The following OSBP2 variants were observed in gnomAD, a reference collection of about 807,000 sequenced individuals.
The protein encoded by OSBP2 is oxysterol-binding protein 2.
Under a neutral mutation model 96.0 loss-of-function variants are expected in OSBP2, and 66 were observed. The ratio of observed to expected loss-of-function variants is 0.69; its 90% CI spans 0.56 to 0.84. The LOEUF (loss-of-function observed/expected upper bound fraction) is 0.84. OSBP2 is among the 40% of genes least tolerant of loss of function. OSBP2 has a pLI of 0.00. For missense variants in OSBP2, 1,038 were observed against 1,222.7 expected (o/e 0.85, Z 2.25); for synonymous variants, 525 against 520.9 (o/e 1.01, Z -0.11).
chr22:30,889,211 G>A lies in OSBP2; in HGVS notation c.1453G>A (p.Val485Met), dbSNP rs376852480. ...TGAAGGTAGCACCGGGACAAGTTCCGTGGACTGGAGCTCAGCAGACAATGT... is the reference window on the plus strand; with the variant it reads ...TGAAGGTAGCACCGGGACAAGTTCCATGGACTGGAGCTCAGCAGACAATGT... The part of the protein sequence containing the change: ...KAEGSTGTSS[V>M]DWSSADNVLD... Residue 485 changes from valine to methionine, a missense_variant, in exon 6 of 14, where the codon GTG becomes ATG. Val to Met is a conservative substitution (Grantham distance 21). This residue lies in a region of OSBP2 where 737 missense variants were observed against 913.3 expected (regional missense o/e 0.81). Coordinates refer to ENST00000332585, the MANE Select transcript of OSBP2 (RefSeq NM_030758.4). 2.7e-5 allele frequency: 44 copies of A among 1,613,318 alleles called. No homozygotes were observed. Among genetic ancestry groups the A allele is most frequent in the Middle Eastern group, 1.7e-4 (1 of 5,956 alleles).
At chr22:30,815,744 T>A (rs529007408) in intron 2 of OSBP2, among the ~76,000 whole-genome samples, 30 of 152,316 alleles carry the variant, frequency 2.0e-4, no homozygotes, top group Non-Finnish European at 2.8e-4. Context: ...TTCTTTTTTT[T>A]AAAAATTTCT....
At position 30,881,912 on chromosome 22, in the gene OSBP2, T is replaced by A; in HGVS notation, c.1108-5514T>A. 1.0e-6 allele frequency: 1 copy of A among 965,204 alleles called. No homozygotes were observed. The highest frequency in any genetic ancestry group is 1.4e-6 in the Non-Finnish European group (1 of 702,736). 59.8% of individuals were successfully genotyped at this position (965,204 alleles called of 1,614,324 possible). Reference sequence around the variant, plus strand: ...GTCTTGGGTGCAGCCACATGAGGCCTTTGATATTAGGGCACAGCAGTTTTC... The same window carrying A: ...GTCTTGGGTGCAGCCACATGAGGCCATTGATATTAGGGCACAGCAGTTTTC... On this transcript the variant is annotated intron_variant, in intron 3 of 13. Coordinates refer to ENST00000332585, the MANE Select transcript of OSBP2 (RefSeq NM_030758.4). The surrounding 1 kb of genome is among the most constrained non-coding windows in gnomAD (Gnocchi z 4.5).
chr22:30,699,520 C>T (rs757030194), intron 1 of OSBP2, among the ~76,000 whole-genome samples: 6 of 152,300 alleles, frequency 3.9e-5, no homozygotes, highest in African/African-American at 1.2e-4. Context: ...ATATTCCCAA[C>T]GGTCATGAAA....
At chr22:30,727,755 G>C (rs1016656806) in intron 1 of OSBP2, among the ~76,000 whole-genome samples, 4 of 152,112 alleles carry the variant, frequency 2.6e-5, no homozygotes, top group Admixed American at 2.6e-4. Flanking sequence ...GTTTAGCTCA[G>C]TGAATGTTCA....
At chr22:30,837,897 T>A (rs2038669706) in intron 2 of OSBP2, among the ~76,000 whole-genome samples, 1 of 152,228 alleles carries the variant, frequency 6.6e-6, no homozygotes, top group Admixed American at 6.5e-5. Flanking sequence ...GGTCTTCATT[T>A]TTCCAAGCTC....
chr22:30,749,419 G>T (rs556899803), intron 2 of OSBP2, among the ~76,000 whole-genome samples: 3 of 152,200 alleles, frequency 2.0e-5, no homozygotes, highest in Admixed American at 6.5e-5. Flanking sequence ...TAACCCAGCA[G>T]CTTTGGCTTT....
intron 2 of OSBP2, among the ~76,000 whole-genome samples, chr22:30,804,143 G>T (rs893079168): frequency 6.6e-6 from 1 of 152,208 alleles, no homozygotes; most frequent in African/African-American, 2.4e-5. Flanking sequence ...AACTGGATGG[G>T]TGGGCTTCTG....
chr22:30,793,581 T>C (rs117100020), intron 2 of OSBP2, among the ~76,000 whole-genome samples: 1,992 of 152,234 alleles, frequency 0.013, 22 homozygotes, highest in Middle Eastern at 0.048. Context: ...AGCTTACCAG[T>C]TCAAGACCAG....
chr22:30,715,911 C>T (rs1476981111), intron 1 of OSBP2, among the ~76,000 whole-genome samples: 14 of 146,626 alleles, frequency 9.5e-5, no homozygotes, highest in African/African-American at 2.5e-4. Flanking sequence ...AAGCTGGTCT[C>T]GAATTCCTGG....
chr22:30,816,269 T>C (rs186230042), intron 2 of OSBP2, among the ~76,000 whole-genome samples: 1 of 152,348 alleles, frequency 6.6e-6, no homozygotes, highest in Admixed American at 6.5e-5. Context: ...TTGTTGTCAC[T>C]TTTATTTTTA....
In OSBP2 at chr22:30,906,021, C is replaced by A; in HGVS notation, c.2560C>A (p.Arg854=). 6.4e-7 allele frequency: 1 copy of A among 1,571,714 alleles called. No individual in the cohort carries two copies. The highest frequency in any genetic ancestry group is 8.6e-7 in the Non-Finnish European group (1 of 1,159,790). The part of the protein sequence containing the change: ...LEEKQRLSRR[R]RLEACGPGSS... The stretch of plus-strand genomic sequence containing the variant: ...GGAGAAGCAGCGCCTGTCGCGGCGC[C>A]GGCGGCTGGAGGCCTGCGGGCCGGG... Residue 854 remains arginine, a synonymous_variant, in exon 13 of 14, where the codon CGG becomes AGG. Coordinates refer to ENST00000332585, the MANE Select transcript of OSBP2 (RefSeq NM_030758.4).
intron 2 of OSBP2, among the ~76,000 whole-genome samples, chr22:30,814,394 C>T (rs2091053381): frequency 6.6e-6 from 1 of 150,460 alleles, no homozygotes; most frequent in Admixed American, 6.7e-5. Flanking sequence ...ATGAAGACAC[C>T]AGTCGTATGG....
At chr22:30,745,597 G>A (rs1185078239) in intron 2 of OSBP2, among the ~76,000 whole-genome samples, 1 of 150,704 alleles carries the variant, frequency 6.6e-6, no homozygotes, top group South Asian at 2.1e-4. Context: ...AACCGGGGAG[G>A]CAGAGGTTGC....
intron 2 of OSBP2, chr22:30,803,101 G>GGCA (rs1351627464): frequency 5.3e-5 from 11 of 208,814 alleles, no homozygotes; most frequent in East Asian, 1.7e-4. Flanking sequence ...CGGCGGCGGC[G>GGCA]GCAGCAGCAG....
At chr22:30,732,067 G>T (rs192525650) in intron 1 of OSBP2, among the ~76,000 whole-genome samples, 113 of 152,320 alleles carry the variant, frequency 7.4e-4, no homozygotes, top group Non-Finnish European at 1.5e-3. Flanking sequence ...ACTTTGGGAG[G>T]CCAAGGTGGA....
chr22:30,861,181 C>T (rs968405252), intron 2 of OSBP2, among the ~76,000 whole-genome samples: 1 of 152,180 alleles, frequency 6.6e-6, no homozygotes, highest in South Asian at 2.1e-4. Context: ...AGTCATAAGA[C>T]TCAGCCCCAC....
rs1425594320 is a variant in OSBP2, at chr22:30,813,454, G to A, written c.854-56975G>A. 4.6e-5 allele frequency among the ~76,000 whole-genome samples: 7 copies of A among 152,068 alleles called. No homozygotes were observed. The East Asian group carries it at 7.8e-4, about 17-fold the overall frequency. On this transcript the variant is annotated intron_variant, in intron 2 of 13. Coordinates refer to ENST00000332585, the MANE Select transcript of OSBP2 (RefSeq NM_030758.4). ...CCCGCAAAGTGCTGGGATTATAGGC[G>A]TGAGCCACTGCGCCCAGCCACAATG...
At position 30,881,408 on chromosome 22, in the gene OSBP2, C is replaced by T. The variant is rs1413724775; in HGVS notation, c.1108-6018C>T. Among the ~76,000 whole-genome samples, 5 of 152,176 alleles carry T rather than the reference C, an allele frequency of 3.3e-5. No homozygotes were observed. In the East Asian group the frequency reaches 7.7e-4, roughly 23 times the overall value. ...GTACCACCTCCAGCTCCCACTAGGA[C>T]CCCTCACTCTCTTCCCCTTAAACAA... On this transcript the variant is annotated intron_variant, in intron 3 of 13. Transcript: ENST00000332585. This position sits in a 1 kb window ranked among gnomAD's most constrained non-coding sequence, Gnocchi z 4.5.
rs529960228 is a variant in OSBP2, at chr22:30,718,188, A to G, written c.644+22635A>G. On this transcript the variant is annotated intron_variant, in intron 1 of 13. Coordinates refer to ENST00000332585, the MANE Select transcript of OSBP2 (RefSeq NM_030758.4). The stretch of plus-strand genomic sequence containing the variant: ...GAATCAAGGCATGTGGCCCTGTCCA[A>G]TATCAGTAGGGTGGGAAGATATCCA... Among the ~76,000 whole-genome samples, 7 of 152,254 alleles carry G rather than the reference A, an allele frequency of 4.6e-5. No individual in the cohort carries two copies. In the East Asian group the frequency reaches 1.3e-3, roughly 29 times the overall value.
Sources: gnomAD v4.1 joint callset for allele counts (sites outside exome capture counted in the v4.1 genomes callset) on GRCh38, gnomAD v4.1.1 for gene constraint, gnomAD v4.1.1 regional missense constraint, Gnocchi (gnomAD v3.1) non-coding constraint, MANE v1.5 for transcripts, NCBI Gene and HGNC (gene_info 2026-07-23, HGNC 2026-07-21) for gene names.